Variants in PAX5 observed in about 807,000 individuals in gnomAD.
PAX5 encodes the protein paired box 5, also known as paired box protein Pax-5.
In PAX5, 9 loss-of-function variants were observed where a neutral mutation model predicts 43.7. The observed-to-expected ratio is 0.21, with a 90% CI of 0.12 to 0.36. The LOEUF (loss-of-function observed/expected upper bound fraction) is 0.36. Ranked by LOEUF, PAX5 falls within the 10% of genes least tolerant of loss-of-function variation. PAX5 has a pLI of 1.00. For synonymous variants in PAX5, 228 were observed against 214.3 expected, an observed-to-expected ratio of 1.06 and a Z score of -0.56; for missense variants, 383 against 532.7, an observed-to-expected ratio of 0.72 and a Z score of 2.77.
At chr9:36,891,522 G>A (rs1018941925) in intron 7 of PAX5, among the ~76,000 whole-genome samples, 6 of 152,250 alleles carry the variant, frequency 3.9e-5, no homozygotes, top group African/African-American at 1.4e-4. Flanking sequence ...TGCCACTAGT[G>A]GAGGGTATGC....
At chr9:37,018,611 T>A (rs1255017634) in intron 2 of PAX5, among the ~76,000 whole-genome samples, 1 of 142,896 alleles carries the variant, frequency 7.0e-6, no homozygotes, top group Non-Finnish European at 1.5e-5. Context: ...ACGGCCCCAG[T>A]TCAGAAATTC....
chr9:37,002,067 C>A (rs902555578), intron 5 of PAX5, among the ~76,000 whole-genome samples: 1 of 151,750 alleles, frequency 6.6e-6, no homozygotes, highest in African/African-American at 2.4e-5. Context: ...CCCCCCAACA[C>A]CCCCGCACTT....
At chr9:36,880,704 A>T (rs1306050186) in intron 8 of PAX5, among the ~76,000 whole-genome samples, 1 of 152,216 alleles carries the variant, frequency 6.6e-6, no homozygotes, top group African/African-American at 2.4e-5. Flanking sequence ...CTGGGATTAC[A>T]GGTGCATGCC....
intron 6 of PAX5, among the ~76,000 whole-genome samples, chr9:36,943,296 C>T (rs1276586208): frequency 2.0e-5 from 3 of 152,132 alleles, no homozygotes; most frequent in Non-Finnish European, 4.4e-5. Flanking sequence ...CTCCTCAGTG[C>T]CTACCTGTCT....
rs1554759931 is a variant in PAX5, at chr9:36,834,452, G to GTT, written c.*6106_*6107dup. 1 of 230,318 alleles carries GTT rather than the reference G, an allele frequency of 4.3e-6. No individual in the cohort carries two copies. Among genetic ancestry groups the GTT allele is most frequent in the Non-Finnish European group, 8.5e-6 (1 of 117,730 alleles). The allele number at this position is 230,318 out of a possible 1,614,324, so 14.3% of individuals were successfully genotyped here. A position where few individuals can be genotyped will look rare whatever the true frequency, so the allele number is the denominator to read the frequency against. On this transcript the variant is annotated 3_prime_UTR_variant, in exon 10 of 10. Transcript: ENST00000358127. The stretch of plus-strand genomic sequence containing the variant: ...TGTGTGTGTGTGTGTGTGTGTGTGT[G>GTT]TTTACATGCTCGTGCACCTTATGGA...
At chr9:37,012,041 A>C (rs768746138) in intron 3 of PAX5, among the ~76,000 whole-genome samples, 4 of 152,194 alleles carry the variant, frequency 2.6e-5, no homozygotes, top group Non-Finnish European at 5.9e-5. Flanking sequence ...CAGCCGCATG[A>C]GATTGTCCTA....
intron 5 of PAX5, among the ~76,000 whole-genome samples, chr9:36,990,838 A>T (rs1836871186): frequency 6.6e-6 from 1 of 152,244 alleles, no homozygotes; most frequent in African/African-American, 2.4e-5. Flanking sequence ...GGCCGGGCGC[A>T]GTGGCTCACG....
At chr9:36,913,962 G>A (rs2131918946) in intron 7 of PAX5, among the ~76,000 whole-genome samples, 1 of 152,282 alleles carries the variant, frequency 6.6e-6, no homozygotes, top group Non-Finnish European at 1.5e-5. Flanking sequence ...GCCGTGTGGT[G>A]AAACAGAGCC....
intron 8 of PAX5, among the ~76,000 whole-genome samples, chr9:36,847,346 C>A (rs1563885149): frequency 1.3e-5 from 2 of 152,188 alleles, no homozygotes; most frequent in Non-Finnish European, 1.5e-5. Context: ...TGAAGCCAAT[C>A]CAGGACCCCA....
At chr9:36,867,704 C>T (rs1825034897) in intron 8 of PAX5, among the ~76,000 whole-genome samples, 1 of 152,178 alleles carries the variant, frequency 6.6e-6, no homozygotes, top group African/African-American at 2.4e-5. Context: ...TCCTTCCTCC[C>T]TCTTTTATCT....
chr9:36,874,626 G>T (rs1450223380), intron 8 of PAX5, among the ~76,000 whole-genome samples: 2 of 152,174 alleles, frequency 1.3e-5, no homozygotes, highest in African/African-American at 4.8e-5. Flanking sequence ...GCCTTTCTCA[G>T]TTGCACCAAC....
chr9:36,870,007 AATGGATGG>A (rs1168900562), intron 8 of PAX5, among the ~76,000 whole-genome samples: 15 of 10,782 alleles, frequency 1.4e-3, no homozygotes, highest in East Asian at 0.012. Context: ...TGGATGGATA[AATGGATGG>A]ATGGATGGAT....
At chr9:36,931,266 G>A (rs144596999) in intron 6 of PAX5, among the ~76,000 whole-genome samples, 2 of 152,376 alleles carry the variant, frequency 1.3e-5, no homozygotes, top group East Asian at 3.9e-4. Context: ...GACTGAGGCT[G>A]AGCAGGCAAA....
intron 7 of PAX5, among the ~76,000 whole-genome samples, chr9:36,885,008 C>T (rs774763577): frequency 7.2e-5 from 11 of 152,206 alleles, no homozygotes; most frequent in South Asian, 2.1e-4. Flanking sequence ...TCCAGTTTTA[C>T]GCAGGCACAG....
At chr9:36,972,537 A>G (rs922409498) in intron 5 of PAX5, among the ~76,000 whole-genome samples, 6 of 152,146 alleles carry the variant, frequency 3.9e-5, no homozygotes, top group Non-Finnish European at 7.4e-5. Context: ...CAGTCTTTAT[A>G]GGGGACTCCC....
Position 36,837,647 on chromosome 9 carries a change from T to C in PAX5, c.*2913A>G. 4.3e-6 allele frequency: 1 copy of C among 233,342 alleles called. No individual in the cohort carries two copies. Among genetic ancestry groups the C allele is most frequent in the Non-Finnish European group, 8.5e-6 (1 of 118,078 alleles). The allele number at this position is 233,342 out of a possible 1,614,324, so 14.5% of individuals were successfully genotyped here. On this transcript the variant is annotated 3_prime_UTR_variant, in exon 10 of 10. Coordinates refer to ENST00000358127, the MANE Select transcript of PAX5 (RefSeq NM_016734.3). Reference sequence around the variant, plus strand: ...CTGTGAATTGGTGAGAGCGGGCGTGTGTGTGTGAGAACATCCGTGTGCATC... The same window carrying C: ...CTGTGAATTGGTGAGAGCGGGCGTGCGTGTGTGAGAACATCCGTGTGCATC...
At position 37,034,098 on chromosome 9, in the gene PAX5, C is replaced by CTTTTTTTTCTTT; in HGVS notation, c.-68_-67insAAAGAAAAAAAA. Reference sequence around the variant, plus strand: ...TCCACTTTTTTGTGCCTTTTTTTTTCTTTTTTTTTTTTTTTTTTTTTTTTT... The same window carrying CTTTTTTTTCTTT: ...TCCACTTTTTTGTGCCTTTTTTTTTCTTTTTTTTCTTTTTTTTTTTTTTTTTTTTTTTTTTTT... On this transcript the variant is annotated 5_prime_UTR_variant, in exon 1 of 10. Coordinates refer to ENST00000358127, the MANE Select transcript of PAX5 (RefSeq NM_016734.3). The CTTTTTTTTCTTT allele has an allele frequency of 3.2e-6, 1 of 313,510 alleles. No homozygotes were observed. Among genetic ancestry groups the CTTTTTTTTCTTT allele is most frequent in the East Asian group, 5.5e-5 (1 of 18,240 alleles). The allele number at this position is 313,510 out of a possible 1,614,324, so 19.4% of individuals were successfully genotyped here. A position where few individuals can be genotyped will look rare whatever the true frequency, so the allele number is the denominator to read the frequency against.
At position 36,833,994 on chromosome 9, in the gene PAX5, T is replaced by A; in HGVS notation, c.*6566A>T. 1 of 233,060 alleles carries A rather than the reference T, an allele frequency of 4.3e-6. No individual in the cohort carries two copies. The highest frequency in any genetic ancestry group is 8.5e-6 in the Non-Finnish European group (1 of 117,944). 14.4% of individuals were successfully genotyped at this position (233,060 alleles called of 1,614,324 possible). The stretch of plus-strand genomic sequence containing the variant: ...AGACAAAATCAAATGTCTCAAAGAA[T>A]TAAAAGCAAAATGCATGTGTCTTCC... On this transcript the variant is annotated 3_prime_UTR_variant, in exon 10 of 10. Coordinates refer to ENST00000358127, the MANE Select transcript of PAX5 (RefSeq NM_016734.3).
In PAX5 at chr9:36,838,853, C is replaced by T. The variant is rs974595823; in HGVS notation, c.*1707G>A. ...GGCTCAAAGAGGTGCAGGGTTTTGTCTGAGGTCCCACAGCAAAGACATGTG... is the reference window on the plus strand; with the variant it reads ...GGCTCAAAGAGGTGCAGGGTTTTGTTTGAGGTCCCACAGCAAAGACATGTG... On this transcript the variant is annotated 3_prime_UTR_variant, in exon 10 of 10. Transcript: ENST00000358127. 2.1e-5 allele frequency: 5 copies of T among 233,308 alleles called. No individual in the cohort carries two copies. The highest frequency in any genetic ancestry group is 4.2e-5 in the Non-Finnish European group (5 of 118,058). The allele number at this position is 233,308 out of a possible 1,614,324, so 14.5% of individuals were successfully genotyped here.
Sources: allele counts gnomAD v4.1 joint callset (sites outside exome capture counted in the v4.1 genomes callset), GRCh38; gene constraint gnomAD v4.1.1; transcripts MANE v1.5; gene names NCBI Gene and HGNC (gene_info 2026-07-23, HGNC 2026-07-21).